CDYL2: variants seen among roughly 807,000 people sequenced by gnomAD.
CDYL2 encodes chromodomain Y-like protein 2.
CDYL2 carries 23 observed loss-of-function variants against 49.4 expected under a neutral mutation model. The observed-to-expected ratio is 0.47, with a 90% confidence interval of 0.34 to 0.66. CDYL2 has a LOEUF of 0.66. CDYL2 is among the 30% of genes least tolerant of loss of function. The probability of loss-of-function intolerance (pLI) is 0.01; values close to 1 mark genes in which losing one functional copy is unlikely to be tolerated. For synonymous variants in CDYL2, 360 were observed against 268.8 expected (o/e 1.34, Z -3.32); for missense variants, 678 against 656.4 (o/e 1.03, Z -0.36).
At chr16:80,748,640 T>C (rs1906022684) in intron 1 of CDYL2, among the ~76,000 whole-genome samples, 1 of 150,644 alleles carries the variant, frequency 6.6e-6, no homozygotes, top group Non-Finnish European at 1.5e-5. Context: ...AGAATTCTTG[T>C]GAAGAATAAA....
intron 6 of CDYL2, among the ~76,000 whole-genome samples, chr16:80,605,715 TA>T (rs1906301514): frequency 1.3e-5 from 2 of 152,034 alleles, no homozygotes; most frequent in African/African-American, 4.8e-5. Flanking sequence ...GTAATACTAA[TA>T]ATAGTAATGA....
chr16:80,734,927 C>T (rs1013887472), intron 1 of CDYL2, among the ~76,000 whole-genome samples: 4 of 152,138 alleles, frequency 2.6e-5, no homozygotes, highest in African/African-American at 7.2e-5. Context: ...GCTGTTGATG[C>T]CCCTCCATTC....
chr16:80,746,319 T>C (rs1376366897), intron 1 of CDYL2, among the ~76,000 whole-genome samples: 1 of 152,186 alleles, frequency 6.6e-6, no homozygotes, highest in African/African-American at 2.4e-5. Flanking sequence ...GATCTGACTT[T>C]ATAATCCCAA....
At chr16:80,795,114 A>C (rs1907731093) in intron 1 of CDYL2, among the ~76,000 whole-genome samples, 1 of 152,202 alleles carries the variant, frequency 6.6e-6, no homozygotes, top group Non-Finnish European at 1.5e-5. Flanking sequence ...AGAACACTGG[A>C]CTAGAAGACA....
At chr16:80,680,684 C>G (rs1909934671) in intron 2 of CDYL2, among the ~76,000 whole-genome samples, 1 of 152,124 alleles carries the variant, frequency 6.6e-6, no homozygotes. Flanking sequence ...CTTTGAAGGA[C>G]CAGATCACAT....
At chr16:80,764,551 A>G (rs1056246841) in intron 1 of CDYL2, among the ~76,000 whole-genome samples, 18 of 152,186 alleles carry the variant, frequency 1.2e-4, no homozygotes, top group African/African-American at 4.3e-4. Flanking sequence ...AATAAAGTCT[A>G]TGTTGCTGGA....
chr16:80,803,493 G>C (rs1341305125), intron 1 of CDYL2, among the ~76,000 whole-genome samples: 1 of 151,978 alleles, frequency 6.6e-6, no homozygotes, highest in Non-Finnish European at 1.5e-5. Flanking sequence ...GCCCGAGCCC[G>C]GAGGGCGTCC....
chr16:80,604,742 C>G (rs1475900075), intron 6 of CDYL2, among the ~76,000 whole-genome samples, 196 bp from the exon 7 acceptor site: 1 of 152,206 alleles, frequency 6.6e-6, no homozygotes, highest in Non-Finnish European at 1.5e-5. Context: ...GACGTGAACA[C>G]TGTGAGGCCC....
At chr16:80,729,014 C>G (rs1468543399) in intron 1 of CDYL2, among the ~76,000 whole-genome samples, 2 of 151,918 alleles carry the variant, frequency 1.3e-5, no homozygotes, top group Middle Eastern at 3.4e-3. Context: ...AATGTAAAGA[C>G]CATCGAGACT....
chr16:80,804,634 C>T (rs1908044963), upstream of CDYL2, among the ~76,000 whole-genome samples: 1 of 145,130 alleles, frequency 6.9e-6, no homozygotes, highest in African/African-American at 2.5e-5. Flanking sequence ...CCGGCCCGGC[C>T]CCCGGGGCGG....
At chr16:80,633,284 C>A in intron 2 of CDYL2, 48 bp from the exon 3 acceptor site, 1 of 1,571,008 alleles carries the variant, frequency 6.4e-7, no homozygotes, top group South Asian at 1.1e-5. Flanking sequence ...GGACCACGAT[C>A]CTAGAAGGAT....
chr16:80,774,634 G>C (rs58837056), intron 1 of CDYL2, among the ~76,000 whole-genome samples: 1 of 151,960 alleles, frequency 6.6e-6, no homozygotes, highest in African/African-American at 2.4e-5. Flanking sequence ...TATGTATATA[G>C]AGATCAAGAC....
At chr16:80,626,835 G>C (rs1026971804) in intron 3 of CDYL2, among the ~76,000 whole-genome samples, 3 of 152,140 alleles carry the variant, frequency 2.0e-5, no homozygotes. Context: ...ACCTAGTAGT[G>C]CCAGGAATTG....
chr16:80,629,996 A>C (rs1907484948), intron 3 of CDYL2, among the ~76,000 whole-genome samples: 1 of 152,242 alleles, frequency 6.6e-6, no homozygotes, highest in African/African-American at 2.4e-5. Context: ...TCAGAGCAGC[A>C]AAGTAACTTC....
chr16:80,674,034 C>T (rs1357513945), intron 2 of CDYL2, among the ~76,000 whole-genome samples: 2 of 152,170 alleles, frequency 1.3e-5, no homozygotes, highest in African/African-American at 2.4e-5. Flanking sequence ...CCTGCCAATG[C>T]ATTTTAGATT....
chr16:80,794,862 C>T (rs1907723091), intron 1 of CDYL2, among the ~76,000 whole-genome samples: 1 of 152,072 alleles, frequency 6.6e-6, no homozygotes, highest in South Asian at 2.1e-4. Context: ...ATCCGCCCAT[C>T]TTGGCCTCCC....
intron 2 of CDYL2, among the ~76,000 whole-genome samples, chr16:80,664,007 G>T (rs1446179153): frequency 6.6e-6 from 1 of 152,116 alleles, no homozygotes; most frequent in African/African-American, 2.4e-5. Flanking sequence ...AACCCTCCAA[G>T]GCCATGCTAA....
chr16:80,744,126 G>A (rs1170979105), intron 1 of CDYL2, among the ~76,000 whole-genome samples: 2 of 152,174 alleles, frequency 1.3e-5, no homozygotes, highest in Admixed American at 1.3e-4. Context: ...AGAGAAGTTA[G>A]AGCAACTCAT....
intron 2 of CDYL2, among the ~76,000 whole-genome samples, chr16:80,663,612 G>A (rs1330610575): frequency 6.6e-6 from 1 of 151,508 alleles, no homozygotes; most frequent in South Asian, 2.1e-4. Flanking sequence ...TTTCTTTTGA[G>A]ACAGAGTTTC....
Sources: gnomAD v4.1 joint callset for allele counts (sites outside exome capture counted in the v4.1 genomes callset) on GRCh38, gnomAD v4.1.1 for gene constraint, MANE v1.5 for transcripts, NCBI Gene and HGNC (gene_info 2026-07-23, HGNC 2026-07-21) for gene names.